PRKG1: variants seen among roughly 807,000 people sequenced by gnomAD.
PRKG1 encodes cGMP-dependent protein kinase 1.
Under a neutral mutation model 88.1 loss-of-function variants are expected in PRKG1, and 35 were observed. The ratio of observed to expected loss-of-function variants is 0.40; its 90% confidence interval spans 0.30 to 0.53. The LOEUF (loss-of-function observed/expected upper bound fraction) is 0.53. PRKG1 is among the 20% of genes least tolerant of loss of function. The pLI is 0.59. For missense variants in PRKG1, 540 were observed against 839.8 expected (o/e 0.64, Z 4.41); for synonymous variants, 303 against 292.5 (o/e 1.04, Z -0.37).
chr10:51,823,866 CTTTTTTTTTT>C (rs5784887), intron 4 of PRKG1, among the ~76,000 whole-genome samples: 3 of 78,734 alleles, frequency 3.8e-5, no homozygotes, highest in Non-Finnish European at 7.0e-5. Flanking sequence ...TTTCTCTCTC[CTTTTTTTTTT>C]TTTTTTTTTT....
At chr10:51,180,336 C>G (rs1837310946) in intron 2 of PRKG1, among the ~76,000 whole-genome samples, 1 of 152,148 alleles carries the variant, frequency 6.6e-6, no homozygotes, top group Non-Finnish European at 1.5e-5. Context: ...TACTTCTAAC[C>G]TCAGGGCTGG....
chr10:51,700,490 C>A (rs996197386), intron 3 of PRKG1, among the ~76,000 whole-genome samples: 7 of 152,232 alleles, frequency 4.6e-5, no homozygotes, highest in African/African-American at 1.7e-4. Flanking sequence ...GAGTCCACCA[C>A]TTCCATGAAG....
At chr10:51,850,424 G>A (rs193219486) in intron 4 of PRKG1, among the ~76,000 whole-genome samples, 41 of 152,094 alleles carry the variant, frequency 2.7e-4, no homozygotes, top group Non-Finnish European at 5.4e-4. Context: ...TGATCCACCT[G>A]CCTTGGCCTC....
intron 2 of PRKG1, among the ~76,000 whole-genome samples, chr10:51,208,461 T>C (rs1838121772): frequency 6.6e-6 from 1 of 152,188 alleles, no homozygotes; most frequent in Non-Finnish European, 1.5e-5. Context: ...CACAGCCCCA[T>C]TGTTACCAGT....
In PRKG1 at chr10:51,829,321, A is replaced by G. The variant is rs192712178; in HGVS notation, c.698+24631A>G. ...TTTATTCCTCAAAAGTGATTTGATA[A>G]GTCAAGCTCACACTCAAAGTGGGAA... On this transcript the variant is annotated intron_variant, in intron 4 of 17. Coordinates refer to ENST00000373980, the MANE Select transcript of PRKG1 (RefSeq NM_006258.4). Among the ~76,000 whole-genome samples the G allele has an allele frequency of 1.6e-4, 24 of 152,270 alleles. No individual in the cohort carries two copies. The East Asian group carries it at 4.6e-3, about 29-fold the overall frequency.
At chr10:51,906,710 A>G (rs1842093528) in intron 4 of PRKG1, among the ~76,000 whole-genome samples, 1 of 152,202 alleles carries the variant, frequency 6.6e-6, no homozygotes. Context: ...AAAAGATGCC[A>G]GACTCTTAGT....
At chr10:51,110,062 G>A (rs1844946715) in intron 1 of PRKG1, among the ~76,000 whole-genome samples, 2 of 152,050 alleles carry the variant, frequency 1.3e-5, no homozygotes, top group Admixed American at 1.3e-4. Flanking sequence ...ATCATACTAA[G>A]TCAGAAGAAA....
chr10:51,956,295 C>G (rs1843300934), intron 5 of PRKG1, among the ~76,000 whole-genome samples: 1 of 151,876 alleles, frequency 6.6e-6, no homozygotes, highest in Admixed American at 6.6e-5. Flanking sequence ...TTATTGGACA[C>G]AAGTTTCCAC....
intron 9 of PRKG1, among the ~76,000 whole-genome samples, chr10:52,223,176 G>T (rs999677173): frequency 6.6e-6 from 1 of 152,032 alleles, no homozygotes; most frequent in Middle Eastern, 3.2e-3. Context: ...CCAGTTCTTT[G>T]TTCCCATTTA....
intron 2 of PRKG1, among the ~76,000 whole-genome samples, chr10:51,327,653 G>T (rs933121708): frequency 6.6e-6 from 1 of 152,052 alleles, no homozygotes; most frequent in African/African-American, 2.4e-5. Context: ...CACACCTAAG[G>T]TATGCAATAC....
intron 7 of PRKG1, among the ~76,000 whole-genome samples, chr10:52,083,780 T>G (rs1846839996): frequency 6.6e-6 from 1 of 152,056 alleles, no homozygotes; most frequent in Non-Finnish European, 1.5e-5. Context: ...GGAAATTAGA[T>G]GTAGATTTAT....
chr10:51,308,850 A>T (rs1056467605), intron 2 of PRKG1, among the ~76,000 whole-genome samples: 4 of 152,018 alleles, frequency 2.6e-5, no homozygotes, highest in African/African-American at 9.7e-5. Flanking sequence ...TCTTCTGAGG[A>T]GGTGGTATTA....
chr10:51,164,531 G>A (rs1171688379), intron 2 of PRKG1, among the ~76,000 whole-genome samples: 4 of 152,198 alleles, frequency 2.6e-5, no homozygotes, highest in Non-Finnish European at 5.9e-5. Context: ...ACCAGCAACG[G>A]AACAAAGCTG....
intron 5 of PRKG1, chr10:51,909,921 A>G (rs942591353): frequency 1.3e-5 from 2 of 152,220 alleles, no homozygotes; most frequent in African/African-American, 4.8e-5. Context: ...GTTTGCACAC[A>G]TAAGCCCCTT....
chr10:51,959,424 C>T (rs943168750), intron 5 of PRKG1, among the ~76,000 whole-genome samples: 7 of 151,994 alleles, frequency 4.6e-5, no homozygotes, highest in Non-Finnish European at 7.4e-5. Context: ...AGTACTGCTG[C>T]GCAACTGAAG....
chr10:51,139,819 G>A (rs1376376369), intron 1 of PRKG1, among the ~76,000 whole-genome samples: 1 of 152,122 alleles, frequency 6.6e-6, no homozygotes, highest in Non-Finnish European at 1.5e-5. Flanking sequence ...AATTGCTCCA[G>A]TTTATTCACT....
chr10:51,035,801 T>C (rs1378470681), intron 1 of PRKG1, among the ~76,000 whole-genome samples: 2 of 152,214 alleles, frequency 1.3e-5, no homozygotes, highest in African/African-American at 4.8e-5. Flanking sequence ...AAATCACCTA[T>C]AACCCTATTA....
chr10:51,091,937 A>C (rs1392580993), intron 1 of PRKG1, among the ~76,000 whole-genome samples: 3 of 152,120 alleles, frequency 2.0e-5, no homozygotes, highest in Non-Finnish European at 4.4e-5. Context: ...AGAATGATTA[A>C]TCTTGAGGTA....
intron 3 of PRKG1, among the ~76,000 whole-genome samples, chr10:51,764,888 A>G (rs1476815745): frequency 1.3e-5 from 2 of 152,112 alleles, no homozygotes; most frequent in South Asian, 2.1e-4. Flanking sequence ...AGCTTATTAG[A>G]CCCTTTCATC....
Sources: gnomAD v4.1 joint callset for allele counts (sites outside exome capture counted in the v4.1 genomes callset) on GRCh38, gnomAD v4.1.1 for gene constraint, MANE v1.5 for transcripts, NCBI Gene and HGNC (gene_info 2026-07-23, HGNC 2026-07-21) for gene names.